Variants in PHACTR1 observed in about 807,000 individuals in gnomAD.
PHACTR1 encodes the protein RPEL repeat containing 1.
PHACTR1 carries 16 observed loss-of-function variants against 69.2 expected under a neutral mutation model. The ratio of observed to expected loss-of-function variants is 0.23; its 90% CI spans 0.16 to 0.35. The LOEUF is 0.35. Ranked by LOEUF, PHACTR1 falls within the 10% of genes least tolerant of loss-of-function variation. PHACTR1 has a pLI of 1.00. For synonymous variants in PHACTR1, 312 were observed against 284.5 expected (o/e 1.10, Z -0.97); for missense variants, 510 against 734.7 (o/e 0.69, Z 3.54).
chr6:12,762,747 C>T (rs1768167247), intron 4 of PHACTR1, among the ~76,000 whole-genome samples: 1 of 152,122 alleles, frequency 6.6e-6, no homozygotes, highest in East Asian at 1.9e-4. Flanking sequence ...GGTTTGCTGT[C>T]TAGTGGATTA....
intron 4 of PHACTR1, among the ~76,000 whole-genome samples, chr6:12,750,483 G>A (rs1029267570): frequency 5.3e-5 from 8 of 151,090 alleles, no homozygotes; most frequent in African/African-American, 1.7e-4. Context: ...AGGGAAGGCA[G>A]TGGGGCGCTA....
intron 5 of PHACTR1, among the ~76,000 whole-genome samples, chr6:13,104,569 A>G (rs1815778054): frequency 6.6e-6 from 1 of 152,320 alleles, no homozygotes; most frequent in South Asian, 2.1e-4. Context: ...TTTACTTTAA[A>G]TTATATTTTG....
intron 4 of PHACTR1, among the ~76,000 whole-genome samples, chr6:12,917,910 T>G (rs1260022546): frequency 6.6e-6 from 1 of 152,146 alleles, no homozygotes; most frequent in Non-Finnish European, 1.5e-5. Context: ...GCACCACTAT[T>G]CTGATTGTGC....
intron 7 of PHACTR1, among the ~76,000 whole-genome samples, chr6:13,200,185 G>A (rs1765014878): frequency 6.6e-6 from 1 of 152,022 alleles, no homozygotes; most frequent in Admixed American, 6.6e-5. Flanking sequence ...GTGATTCTCA[G>A]CTCCTTGTAT....
At chr6:13,041,116 G>T (rs747038983) in intron 4 of PHACTR1, among the ~76,000 whole-genome samples, 1 of 152,064 alleles carries the variant, frequency 6.6e-6, no homozygotes, top group East Asian at 1.9e-4. Flanking sequence ...CATCTTTCAT[G>T]CAGAAGAATA....
At chr6:13,093,912 C>T (rs1011613548) in intron 5 of PHACTR1, among the ~76,000 whole-genome samples, 1 of 152,150 alleles carries the variant, frequency 6.6e-6, no homozygotes, top group African/African-American at 2.4e-5. Flanking sequence ...TGCTCTGTCA[C>T]CCGGGCTGGG....
At chr6:13,158,726 G>A (rs1758549040) in intron 5 of PHACTR1, among the ~76,000 whole-genome samples, 1 of 152,196 alleles carries the variant, frequency 6.6e-6, no homozygotes, top group Admixed American at 6.5e-5. Context: ...TTTTCCCAGT[G>A]TGGCAAAGTG....
chr6:13,242,831 C>T (rs1020736831), intron 10 of PHACTR1, among the ~76,000 whole-genome samples: 4 of 152,156 alleles, frequency 2.6e-5, no homozygotes, highest in African/African-American at 9.7e-5. Context: ...ACATGGGAAC[C>T]TCAGCTTCAG....
intron 7 of PHACTR1, among the ~76,000 whole-genome samples, chr6:13,187,797 C>T (rs566826207): frequency 6.6e-6 from 1 of 151,820 alleles, no homozygotes; most frequent in East Asian, 1.9e-4. Context: ...AGAGGCTTCT[C>T]CAGTCATTGA....
intron 5 of PHACTR1, among the ~76,000 whole-genome samples, chr6:13,143,456 G>A (rs1178307196): frequency 2.0e-5 from 3 of 152,126 alleles, no homozygotes; most frequent in South Asian, 4.1e-4. Flanking sequence ...TATATAAATC[G>A]TTTTCTTCTC....
rs1397929790 is a variant in PHACTR1, at chr6:13,283,488, G to A, written c.1576G>A (p.Val526Met). The change falls in exon 13 of 15, where the codon GTG (valine) becomes ATG (methionine). Residue 526 changes from valine (V) to methionine (M), a missense_variant. By Grantham distance (21) the Val-to-Met change is conservative. This residue lies in a region of PHACTR1 where 91 missense variants were observed against 203.8 expected (regional missense o/e 0.45). Coordinates refer to ENST00000332995, the MANE Select transcript of PHACTR1 (RefSeq NM_030948.6). The surrounding 1 kb of genome is among the most constrained non-coding windows in gnomAD (Gnocchi z 4.7). ...RKILIRFSDY[V>M]EVADAQDYDR... ...GATCCTCATCCGCTTCAGTGACTAC[G>A]TGGAGGTGGCTGACGCTCAGGACTA... is the stretch of plus-strand genomic sequence containing the variant. 6.2e-7 allele frequency: 1 copy of A among 1,613,922 alleles called. No individual in the cohort carries two copies. The highest frequency in any genetic ancestry group is 8.5e-7 in the Non-Finnish European group (1 of 1,179,866).
intron 5 of PHACTR1, among the ~76,000 whole-genome samples, chr6:13,089,008 C>A (rs1474364750): frequency 6.6e-6 from 1 of 152,150 alleles, no homozygotes; most frequent in Admixed American, 6.5e-5. Flanking sequence ...TTAGATTTGC[C>A]AAGAGGTGAT....
intron 5 of PHACTR1, among the ~76,000 whole-genome samples, chr6:13,063,564 A>G (rs994565677): frequency 6.6e-6 from 1 of 152,040 alleles, no homozygotes; most frequent in African/African-American, 2.4e-5. Context: ...ACTTGAGCCC[A>G]GGAGTTTGAG....
chr6:13,272,739 C>T lies in PHACTR1; in HGVS notation c.1392-121C>T, dbSNP rs771983613. ...GGTGGCGAGAGTCAGTCTTTCAGAG[C>T]ACAGGATGGAACAAGAACTCCAGCC... On this transcript the variant is annotated intron_variant, in intron 10 of 14. Transcript: ENST00000332995. 6 of 1,609,666 alleles carry T rather than the reference C, an allele frequency of 3.7e-6. No homozygotes were observed. In the East Asian group the frequency reaches 1.3e-4, roughly 36 times the overall value.
intron 3 of PHACTR1, among the ~76,000 whole-genome samples, chr6:12,747,992 T>G (rs1465548126): frequency 6.6e-6 from 1 of 152,204 alleles, no homozygotes; most frequent in Non-Finnish European, 1.5e-5. Flanking sequence ...TCAAGAATGA[T>G]GGATTACTAA....
intron 4 of PHACTR1, among the ~76,000 whole-genome samples, chr6:12,765,012 G>T (rs1355672818): frequency 1.3e-5 from 2 of 152,096 alleles, no homozygotes; most frequent in Non-Finnish European, 2.9e-5. Context: ...ATGGTAGCTG[G>T]CTTATTTATG....
chr6:12,830,845 C>T (rs1189030068), intron 4 of PHACTR1, among the ~76,000 whole-genome samples: 1 of 152,070 alleles, frequency 6.6e-6, no homozygotes, highest in Non-Finnish European at 1.5e-5. Flanking sequence ...ATCCACCCGT[C>T]TCGGCCTCCC....
chr6:12,724,798 G>A (rs1419444972), intron 3 of PHACTR1, among the ~76,000 whole-genome samples: 7 of 152,230 alleles, frequency 4.6e-5, no homozygotes, highest in Middle Eastern at 3.4e-3. Context: ...TCCATACCCT[G>A]TCCACTGTGT....
chr6:13,017,235 C>T (rs1038353218), intron 4 of PHACTR1, among the ~76,000 whole-genome samples: 2 of 148,076 alleles, frequency 1.4e-5, no homozygotes, highest in African/African-American at 2.5e-5. Flanking sequence ...AAGACACTTT[C>T]CACTGTACCT....
Sources: allele counts gnomAD v4.1 joint callset (sites outside exome capture counted in the v4.1 genomes callset), GRCh38; gene constraint gnomAD v4.1.1; regional missense constraint gnomAD v4.1.1; non-coding constraint Gnocchi (gnomAD v3.1); transcripts MANE v1.5; gene names NCBI Gene and HGNC (gene_info 2026-07-23, HGNC 2026-07-21).